The following PCDH11X variants were observed in gnomAD, a reference collection of about 807,000 sequenced individuals.
The protein encoded by PCDH11X is protocadherin 11 X-linked, also known as protocadherin-11 X-linked.
A neutral mutation model predicts 53.3 loss-of-function variants in PCDH11X; 18 were observed. The observed-to-expected ratio is 0.34, with a 90% CI of 0.23 to 0.50. The LOEUF (loss-of-function observed/expected upper bound fraction) is 0.50, where lower values mean the gene tolerates loss of function less well. Ranked by LOEUF, PCDH11X falls within the 20% of genes least tolerant of loss-of-function variation. PCDH11X has a pLI of 0.98. For missense variants in PCDH11X, 570 were observed against 1,032.4 expected, an observed-to-expected ratio of 0.55 and a Z score of 6.14; for synonymous variants, 279 against 393.3, an observed-to-expected ratio of 0.71 and a Z score of 3.44.
At chrX:92,113,705 C>T (rs1330870063) in intron 6 of PCDH11X, 7 of 1,200,341 alleles carry the variant, frequency 5.8e-6, no homozygotes, top group African/African-American at 5.6e-5. Context: ...TCTCGTTCCA[C>T]GTTGATGTAG....
intron 6 of PCDH11X, among the ~76,000 whole-genome samples, chrX:92,160,518 C>T (rs2065622656): frequency 9.2e-6 from 1 of 109,212 alleles, no homozygotes; most frequent in South Asian, 3.9e-4. Context: ...GAGTAGTATC[C>T]CATCAAATAT....
chrX:91,987,135 A>G (rs1218403693), intron 6 of PCDH11X, among the ~76,000 whole-genome samples: 1 of 111,922 alleles, frequency 8.9e-6, no homozygotes, highest in Non-Finnish European at 1.9e-5. Context: ...CCCAGGCTGG[A>G]GTGCAATGGA....
intron 6 of PCDH11X, among the ~76,000 whole-genome samples, chrX:92,129,655 C>T (rs1320733443): frequency 9.0e-6 from 1 of 111,152 alleles, no homozygotes; most frequent in African/African-American, 3.3e-5. Context: ...TGCGCTAAGG[C>T]TAGTAAAATG....
chrX:91,927,978 G>T (rs1942001883), intron 6 of PCDH11X, among the ~76,000 whole-genome samples: 1 of 111,326 alleles, frequency 9.0e-6, no homozygotes. Context: ...TTTAAAGGTA[G>T]ACTTAGTCTA....
At chrX:92,488,531 G>T (rs1158547556) in intron 10 of PCDH11X, among the ~76,000 whole-genome samples, 1 of 110,941 alleles carries the variant, frequency 9.0e-6, no homozygotes, top group Non-Finnish European at 1.9e-5. Context: ...TAGAATTTTT[G>T]AGCTAATTAG....
At chrX:91,978,917 T>C (rs1159488030) in intron 6 of PCDH11X, among the ~76,000 whole-genome samples, 1 of 111,879 alleles carries the variant, frequency 8.9e-6, no homozygotes. Flanking sequence ...TCTCTGATGA[T>C]TTGAGGTATA....
intron 6 of PCDH11X, among the ~76,000 whole-genome samples, chrX:92,119,021 G>A (rs1467373725): frequency 2.7e-5 from 3 of 110,317 alleles, no homozygotes; most frequent in Admixed American, 1.9e-4. Context: ...GATTACAGGC[G>A]TGAGCCACTG....
At chrX:92,555,839 C>T (rs3892716) in intron 10 of PCDH11X, among the ~76,000 whole-genome samples, 52,329 of 109,811 alleles carry the variant, frequency 0.48, 9,327 homozygotes, top group South Asian at 0.59. Context: ...TGTATTAGCT[C>T]ATTCTCACAC....
intron 6 of PCDH11X, among the ~76,000 whole-genome samples, chrX:91,996,087 C>G (rs908079590): frequency 1.9e-5 from 2 of 106,120 alleles, no homozygotes; most frequent in Admixed American, 1.0e-4. Context: ...GTGATCCGCC[C>G]GCCTTAGCCT....
intron 10 of PCDH11X, among the ~76,000 whole-genome samples, chrX:92,580,812 A>G (rs5985007): frequency 0.36 from 40,097 of 110,217 alleles, 6,032 homozygotes; most frequent in African/African-American, 0.55. Context: ...AAAAAGTATG[A>G]TTTCCCGAGT....
intron 9 of PCDH11X, chrX:92,460,467 A>C: frequency 1.3e-6 from 1 of 743,605 alleles, no homozygotes; most frequent in Non-Finnish European, 2.1e-6. Context: ...AGCTAGACAA[A>C]TACTGGCCTC....
chrX:92,329,585 T>C (rs1226468709), intron 8 of PCDH11X, among the ~76,000 whole-genome samples: 4 of 111,663 alleles, frequency 3.6e-5, no homozygotes, highest in Non-Finnish European at 7.5e-5. Flanking sequence ...TAAGTGTCTA[T>C]CAACAGACAA....
chrX:92,337,186 T>C (rs1195283191), intron 8 of PCDH11X, among the ~76,000 whole-genome samples: 1 of 107,839 alleles, frequency 9.3e-6, no homozygotes, highest in Non-Finnish European at 1.9e-5. Flanking sequence ...TCAGTTTGTC[T>C]TGTAAGGTAG....
At chrX:92,159,650 C>A (rs1257624294) in intron 6 of PCDH11X, among the ~76,000 whole-genome samples, 1 of 99,725 alleles carries the variant, frequency 1.0e-5, no homozygotes, top group African/African-American at 3.6e-5. Context: ...GTGTCAAAAA[C>A]CAAATTACAA....
chrX:92,133,432 C>T (rs1056818710), intron 6 of PCDH11X, among the ~76,000 whole-genome samples: 1 of 111,394 alleles, frequency 9.0e-6, no homozygotes, highest in African/African-American at 3.3e-5. Flanking sequence ...AATGGGACAA[C>T]CTCAGCTCAC....
intron 8 of PCDH11X, among the ~76,000 whole-genome samples, chrX:92,315,806 G>T (rs1334012394): frequency 9.1e-6 from 1 of 109,887 alleles, no homozygotes; most frequent in East Asian, 2.9e-4. Flanking sequence ...AAAGTGCTGG[G>T]ATTACAGGGG....
chrX:92,224,703 T>C (rs999946377), intron 7 of PCDH11X, among the ~76,000 whole-genome samples: 64 of 112,318 alleles, frequency 5.7e-4, no homozygotes, highest in Admixed American at 2.0e-3. Flanking sequence ...TGATTCTGAG[T>C]ACTGCCCAAT....
intron 6 of PCDH11X, among the ~76,000 whole-genome samples, chrX:92,120,994 CTA>C (rs1226691921): frequency 2.7e-5 from 3 of 110,189 alleles, no homozygotes; most frequent in African/African-American, 9.9e-5. Context: ...AATTATCTGA[CTA>C]TGTTTTATTC....
intron 6 of PCDH11X, among the ~76,000 whole-genome samples, chrX:92,154,460 C>T (rs892166285): frequency 3.7e-5 from 4 of 107,087 alleles, no homozygotes; most frequent in Middle Eastern, 4.8e-3. Context: ...GGAAACTCTG[C>T]GTAGAGAAAA....
Sources: allele counts gnomAD v4.1 joint callset (sites outside exome capture counted in the v4.1 genomes callset), GRCh38; gene constraint gnomAD v4.1.1; transcripts MANE v1.5; gene names NCBI Gene and HGNC (gene_info 2026-07-23, HGNC 2026-07-21).